DCAF4: variants seen among roughly 807,000 people sequenced by gnomAD.
DCAF4 encodes DDB1- and CUL4-associated factor 4.
A neutral mutation model predicts 60.9 loss-of-function variants in DCAF4; 37 were observed. The ratio of observed to expected loss-of-function variants is 0.61; its 90% CI spans 0.47 to 0.80. The LOEUF (loss-of-function observed/expected upper bound fraction) is 0.80, where lower values mean the gene tolerates loss of function less well. Ranked by LOEUF, DCAF4 falls within the 30% of genes least tolerant of loss-of-function variation. DCAF4 has a pLI of 0.00. For synonymous variants in DCAF4, 243 were observed against 254.8 expected (o/e 0.95, Z 0.44); for missense variants, 577 against 650.0 (o/e 0.89, Z 1.22).
intron 1 of DCAF4, among the ~76,000 whole-genome samples, chr14:72,928,211 G>C (rs1444817016): frequency 3.1e-4 from 2 of 6,538 alleles, no homozygotes; most frequent in Non-Finnish European, 6.3e-4. Flanking sequence ...TTTTTTTTTT[G>C]ATACGGAATT....
chr14:72,941,757 G>T lies in DCAF4; in HGVS notation c.364G>T (p.Gly122Ter). Residue 122 changes from glycine (G) to a stop codon, truncating the protein, a stop_gained, in exon 5 of 14, where the codon GGA becomes TGA. Transcript: ENST00000358377. LOFTEE classifies it high-confidence loss of function. ...GTAATAAATATAGATTGCCAGGATG[G>T]GATTTAATGCATCTTCCATGCTACG... is the stretch of plus-strand genomic sequence containing the variant. ...EDRRKKIARM[G>*]FNASSMLRKS... 6.2e-7 allele frequency: 1 copy of T among 1,613,810 alleles called. No individual in the cohort carries two copies. The highest frequency in any genetic ancestry group is 8.5e-7 in the Non-Finnish European group (1 of 1,179,876).
rs71109769 is a variant in DCAF4, at chr14:72,953,732, A to AAT, written c.809-402_809-401dup. On this transcript the variant is annotated intron_variant, in intron 9 of 13. Coordinates refer to ENST00000358377, the MANE Select transcript of DCAF4 (RefSeq NM_015604.4). ...CTTAAAAAAAAAAAAAAAAAAAAAA[A>AAT]ATATATATATATATATATATATATA... is the stretch of plus-strand genomic sequence containing the variant. Among the ~76,000 whole-genome samples the AAT allele has an allele frequency of 1.3e-3, 28 of 21,764 alleles. 3 individuals carry two copies. The highest frequency in any genetic ancestry group is 5.8e-3 in the African/African-American group (25 of 4,298). 14.3% of individuals were successfully genotyped at this position (21,764 alleles called of 152,430 possible).
chr14:72,939,468 C>T (rs369242327), intron 2 of DCAF4, among the ~76,000 whole-genome samples: 2 of 152,132 alleles, frequency 1.3e-5, no homozygotes, highest in African/African-American at 2.4e-5. Context: ...GACAAATGAG[C>T]CCAGCTGGTA....
chr14:72,948,598 G>A (rs183540352), intron 8 of DCAF4, among the ~76,000 whole-genome samples: 1 of 152,190 alleles, frequency 6.6e-6, no homozygotes, highest in East Asian at 1.9e-4. Flanking sequence ...AAACAGCATG[G>A]TATTCTCGTT....
chr14:72,956,374 CT>C lies in DCAF4; in HGVS notation c.1180-7del. ...GGCCCCTCCCTGATGGCCCCTGGTG[CT>C]TTTTCCACAGATCAAGCTGTGGGAC... On this transcript the variant is annotated splice_polypyrimidine_tract_variant and intron_variant, in intron 12 of 13. Transcript: ENST00000358377. 1 of 1,589,388 alleles carries C rather than the reference CT, an allele frequency of 6.3e-7. No homozygotes were observed. The highest frequency in any genetic ancestry group is 8.6e-7 in the Non-Finnish European group (1 of 1,167,986).
Position 72,956,518 on chromosome 14 carries a change from G to A in DCAF4, c.1294+18G>A. On this transcript the variant is annotated intron_variant, in intron 13 of 13. Coordinates refer to ENST00000358377, the MANE Select transcript of DCAF4 (RefSeq NM_015604.4). ...GGTGGCAGGTACTTGAGGAAGGAAG[G>A]GGAAGTTCCACCCCATCAAATACTG... is the stretch of plus-strand genomic sequence containing the variant. 2 of 1,598,664 alleles carry A rather than the reference G, an allele frequency of 1.3e-6. No homozygotes were observed. The highest frequency in any genetic ancestry group is 1.7e-5 in the Admixed American group (1 of 57,526).
At chr14:72,940,407 C>A (rs772330861) in intron 4 of DCAF4, 30 bp downstream of exon 4, 2 of 1,581,924 alleles carry the variant, frequency 1.3e-6, no homozygotes, top group Admixed American at 2.0e-5. Flanking sequence ...GCCCCCTGTC[C>A]TCTCCGCTCC....
intron 9 of DCAF4, 29 bp downstream of exon 9, chr14:72,951,906 CTG>C: frequency 6.2e-7 from 1 of 1,611,756 alleles, no homozygotes; most frequent in Non-Finnish European, 8.5e-7. Flanking sequence ...TTAAAGAAAT[CTG>C]TCCTCTGTCT....
chr14:72,951,687 GGGGTTACTCTGGCCTA>G, intron 8 of DCAF4, 95 bp from the exon 9 acceptor site: 1 of 904,642 alleles, frequency 1.1e-6, no homozygotes, highest in Non-Finnish European at 1.8e-6. Flanking sequence ...CTGGACGGTG[GGGGTTACTCTGGCCTA>G]GGTTGTGTGC....
intron 1 of DCAF4, among the ~76,000 whole-genome samples, chr14:72,928,280 G>A (rs543784393): frequency 7.3e-6 from 1 of 136,210 alleles, no homozygotes; most frequent in African/African-American, 2.8e-5. Context: ...CGCAACCTCC[G>A]CCTCCCAGGT....
Position 72,958,661 on chromosome 14 carries a change from A to C in DCAF4, c.1344A>C (p.Leu448=), listed in dbSNP as rs1416707975. The C allele has an allele frequency of 1.2e-6, 2 of 1,614,134 alleles. No individual in the cohort carries two copies. Among genetic ancestry groups the C allele is most frequent in the Non-Finnish European group, 1.7e-6 (2 of 1,180,014 alleles). Residue 448 remains leucine, a synonymous_variant, in exon 14 of 14, where the codon CTA becomes CTC. Transcript: ENST00000358377. ...TRIWSLHDAR[L]LRTIPSPYPA... ...TCTGGAGCCTCCACGATGCCCGCCT[A>C]CTGAGAACCATACCCTCCCCGTACC...
At chr14:72,947,524 C>T (rs954092178) in intron 8 of DCAF4, among the ~76,000 whole-genome samples, 1 of 152,226 alleles carries the variant, frequency 6.6e-6, no homozygotes, top group Non-Finnish European at 1.5e-5. Context: ...CTCACTCTGC[C>T]ACTGTGGCGT....
chr14:72,937,496 C>G (rs1026141929), intron 1 of DCAF4, among the ~76,000 whole-genome samples: 4 of 147,594 alleles, frequency 2.7e-5, no homozygotes, highest in African/African-American at 9.9e-5. Context: ...TCTCAGCTCA[C>G]TGTAAACTCC....
chr14:72,939,660 G>C, intron 2 of DCAF4, 142 bp from the exon 3 acceptor site: 1 of 571,260 alleles, frequency 1.8e-6, no homozygotes, highest in Non-Finnish European at 3.0e-6. Context: ...TTGCAAGAGG[G>C]GATCAGTGCT....
downstream of DCAF4, chr14:72,960,647 A>G: frequency 9.4e-7 from 1 of 1,063,960 alleles, no homozygotes; most frequent in Non-Finnish European, 1.2e-6. Context: ...TGCATCCTCC[A>G]CATCTTCAGG....
At chr14:72,947,271 A>G (rs2140267650) in intron 8 of DCAF4, 80 bp downstream of exon 8, 2 of 1,517,414 alleles carry the variant, frequency 1.3e-6, no homozygotes, top group South Asian at 2.2e-5. Flanking sequence ...GCTTCATGAC[A>G]TGGCATCTTA....
intron 1 of DCAF4, among the ~76,000 whole-genome samples, chr14:72,927,343 C>CTTTTTTTT (rs547199942): frequency 1.1e-5 from 1 of 87,346 alleles, no homozygotes; most frequent in Non-Finnish European, 2.2e-5. Context: ...CGGTGGTGTT[C>CTTTTTTTT]TTTTTTTTTT....
chr14:72,944,810 C>G (rs1441250309), intron 6 of DCAF4, among the ~76,000 whole-genome samples: 2 of 151,852 alleles, frequency 1.3e-5, no homozygotes, highest in Non-Finnish European at 2.9e-5. Flanking sequence ...AAAATAGGGC[C>G]AGGTGTGGTG....
intron 1 of DCAF4, among the ~76,000 whole-genome samples, chr14:72,927,343 CTTTT>C (rs547199942): frequency 3.4e-5 from 3 of 87,346 alleles, no homozygotes; most frequent in African/African-American, 8.8e-5. Context: ...CGGTGGTGTT[CTTTT>C]TTTTTTTTTT....
Sources: allele counts gnomAD v4.1 joint callset (sites outside exome capture counted in the v4.1 genomes callset), GRCh38; gene constraint gnomAD v4.1.1; transcripts MANE v1.5; gene names NCBI Gene and HGNC (gene_info 2026-07-23, HGNC 2026-07-21).